The following MPPED2 variants were observed in gnomAD, a reference collection of about 807,000 sequenced individuals.
MPPED2 encodes metallophosphoesterase domain containing 2, also known as metallophosphoesterase MPPED2.
In MPPED2, 5 loss-of-function variants were observed where a neutral mutation model predicts 33.0. The observed-to-expected ratio is 0.15, with a 90% CI of 0.08 to 0.32. The LOEUF (loss-of-function observed/expected upper bound fraction) is 0.32, where lower values mean the gene tolerates loss of function less well. Ranked by LOEUF, MPPED2 falls within the 10% of genes least tolerant of loss-of-function variation. The pLI, the probability that MPPED2 is intolerant of heterozygous loss-of-function variation, is 1.00. For synonymous variants in MPPED2, 136 were observed against 141.9 expected, an observed-to-expected ratio of 0.96 and a Z score of 0.29; for missense variants, 275 against 372.1, an observed-to-expected ratio of 0.74 and a Z score of 2.15.
chr11:30,465,983 A>G (rs963290383), intron 4 of MPPED2, among the ~76,000 whole-genome samples: 5 of 152,178 alleles, frequency 3.3e-5, no homozygotes, highest in Admixed American at 1.3e-4. Flanking sequence ...GCCTTCCCCA[A>G]ATATTAAAAT....
At chr11:30,576,130 T>G (rs1184804941) in intron 2 of MPPED2, among the ~76,000 whole-genome samples, 1 of 152,188 alleles carries the variant, frequency 6.6e-6, no homozygotes, top group African/African-American at 2.4e-5. Context: ...CATCCTTCTA[T>G]CCTCCACAGC....
At chr11:30,531,441 C>T (rs1954521879) in intron 3 of MPPED2, among the ~76,000 whole-genome samples, 1 of 152,210 alleles carries the variant, frequency 6.6e-6, no homozygotes, top group Non-Finnish European at 1.5e-5. Context: ...TTCAAAGTTT[C>T]ATTCCCCAAT....
At chr11:30,413,413 G>C (rs1440777482) in intron 6 of MPPED2, among the ~76,000 whole-genome samples, 1 of 152,184 alleles carries the variant, frequency 6.6e-6, no homozygotes, top group African/African-American at 2.4e-5. Context: ...GAAATCCTTA[G>C]GCTTGCTGAA....
At chr11:30,582,524 C>A (rs948696449) in intron 1 of MPPED2, among the ~76,000 whole-genome samples, 1 of 152,092 alleles carries the variant, frequency 6.6e-6, no homozygotes, top group Non-Finnish European at 1.5e-5. Flanking sequence ...ATCTCTGCAC[C>A]CAGTACTAGA....
At position 30,501,573 on chromosome 11, in the gene MPPED2, G is replaced by C. The variant is rs1157903871; in HGVS notation, c.311-6052C>G. 7 of 951,116 alleles carry C rather than the reference G, an allele frequency of 7.4e-6. No homozygotes were observed. In the African/African-American group the frequency reaches 1.2e-4, roughly 17 times the overall value. 58.9% of individuals were successfully genotyped at this position (951,116 alleles called of 1,614,324 possible). A position where few individuals can be genotyped will look rare whatever the true frequency, so the allele number is the denominator to read the frequency against. On this transcript the variant is annotated intron_variant, in intron 3 of 6. Transcript: ENST00000358117. Reference sequence around the variant, plus strand: ...GTATTTATCAAATACCAAAAAATGTGCCGAGTGGCCTCTCATTCATGAATG... The same window carrying C: ...GTATTTATCAAATACCAAAAAATGTCCCGAGTGGCCTCTCATTCATGAATG...
chr11:30,470,346 G>A (rs1474394366), intron 4 of MPPED2, among the ~76,000 whole-genome samples: 2 of 152,086 alleles, frequency 1.3e-5, no homozygotes, highest in Non-Finnish European at 2.9e-5. Flanking sequence ...TAGATGGGAG[G>A]AATTTTTTTT....
rs550522079 is a variant in MPPED2 at position 30,460,497 on chromosome 11, C to T, written c.536+34799G>A. Among the ~76,000 whole-genome samples, 32 of 152,110 alleles carry T rather than the reference C, an allele frequency of 2.1e-4. No individual in the cohort carries two copies. The South Asian group carries it at 5.2e-3, about 25-fold the overall frequency. ...AAAGTTAGCCAGGAATGGTGGTGCA[C>T]CTGTAGTCCCAGCTACTCTGGAGGC... On this transcript the variant is annotated intron_variant, in intron 4 of 6. Coordinates refer to ENST00000358117, the MANE Select transcript of MPPED2 (RefSeq NM_001584.3).
At chr11:30,438,517 A>G (rs1565068110) in intron 4 of MPPED2, among the ~76,000 whole-genome samples, 1 of 152,200 alleles carries the variant, frequency 6.6e-6, no homozygotes, top group African/African-American at 2.4e-5. Context: ...TAATGGGGTG[A>G]GACACTTGGG....
intron 4 of MPPED2, among the ~76,000 whole-genome samples, chr11:30,469,709 T>C (rs1419646742): frequency 6.6e-6 from 1 of 151,886 alleles, no homozygotes; most frequent in African/African-American, 2.4e-5. Flanking sequence ...TCAAATGCAA[T>C]GTGTTATTAT....
At chr11:30,561,781 T>G (rs1242796137) in intron 2 of MPPED2, among the ~76,000 whole-genome samples, 3 of 152,188 alleles carry the variant, frequency 2.0e-5, no homozygotes, top group Non-Finnish European at 4.4e-5. Flanking sequence ...ACCACAGGGT[T>G]TCTCAACCCT....
At chr11:30,424,656 C>A (rs1948752036) in intron 4 of MPPED2, among the ~76,000 whole-genome samples, 2 of 152,122 alleles carry the variant, frequency 1.3e-5, no homozygotes, top group South Asian at 4.1e-4. Context: ...AAGGCAGACA[C>A]CTGGCCCCTG....
intron 4 of MPPED2, among the ~76,000 whole-genome samples, chr11:30,458,999 C>T (rs1245672940): frequency 2.2e-5 from 3 of 133,828 alleles, no homozygotes; most frequent in South Asian, 2.5e-4. Flanking sequence ...GATCTCGGCT[C>T]ACTGCAAGCT....
intron 3 of MPPED2, among the ~76,000 whole-genome samples, chr11:30,502,663 T>C (rs1952624073): frequency 6.6e-6 from 1 of 152,150 alleles, no homozygotes; most frequent in African/African-American, 2.4e-5. Context: ...TCTGAGGTAA[T>C]AAATTCAAAC....
At chr11:30,584,079 T>C (rs1187986767) in intron 1 of MPPED2, 1 of 152,078 alleles carries the variant, frequency 6.6e-6, no homozygotes, top group East Asian at 1.9e-4. Context: ...GACATAAAGT[T>C]CCACGTGCTT....
At chr11:30,558,792 C>A (rs895569274) in intron 2 of MPPED2, among the ~76,000 whole-genome samples, 4 of 149,094 alleles carry the variant, frequency 2.7e-5, no homozygotes, top group African/African-American at 9.9e-5. Flanking sequence ...TTTTTTCTGG[C>A]TTGGGAATAC....
intron 4 of MPPED2, among the ~76,000 whole-genome samples, chr11:30,478,066 C>T (rs1203087640): frequency 2.6e-5 from 4 of 151,952 alleles, no homozygotes; most frequent in East Asian, 3.9e-4. Flanking sequence ...ATCATGAAAC[C>T]GTTTTACTAA....
At chr11:30,430,527 C>G (rs558785987) in intron 4 of MPPED2, among the ~76,000 whole-genome samples, 5 of 152,106 alleles carry the variant, frequency 3.3e-5, no homozygotes, top group Non-Finnish European at 7.3e-5. Flanking sequence ...ATATTCATAT[C>G]GGAAAATGCT....
At chr11:30,497,323 T>C (rs918319816) in intron 3 of MPPED2, among the ~76,000 whole-genome samples, 1 of 152,180 alleles carries the variant, frequency 6.6e-6, no homozygotes, top group African/African-American at 2.4e-5. Flanking sequence ...TGAGAGACCC[T>C]ACAACTCTAA....
intron 1 of MPPED2, among the ~76,000 whole-genome samples, chr11:30,583,272 CAAG>C (rs1168805845): frequency 1.3e-5 from 2 of 149,970 alleles, no homozygotes; most frequent in African/African-American, 4.9e-5. Flanking sequence ...TTACAACTAT[CAAG>C]AAGATGTATA....
Sources: allele counts gnomAD v4.1 joint callset (sites outside exome capture counted in the v4.1 genomes callset), GRCh38; gene constraint gnomAD v4.1.1; transcripts MANE v1.5; gene names NCBI Gene and HGNC (gene_info 2026-07-23, HGNC 2026-07-21).